Variants in LSAMP observed in about 807,000 individuals in gnomAD.
LSAMP encodes the protein limbic system associated membrane protein, also known as limbic system-associated membrane protein.
LSAMP carries 7 observed loss-of-function variants against 38.6 expected under a neutral mutation model. That is an observed-to-expected ratio of 0.18 (90% confidence interval 0.10 to 0.34). The LOEUF (loss-of-function observed/expected upper bound fraction) is 0.34, where lower values mean the gene tolerates loss of function less well. Among genes scored for constraint, LSAMP ranks in the 10% least tolerant of loss-of-function variants. The pLI, the probability that LSAMP is intolerant of heterozygous loss-of-function variation, is 1.00. For synonymous variants in LSAMP, 154 were observed against 166.8 expected (o/e 0.92, Z 0.59); for missense variants, 313 against 420.0 (o/e 0.75, Z 2.23).
chr3:116,432,403 T>C (rs2049293054), intron 1 of LSAMP, among the ~76,000 whole-genome samples: 2 of 151,816 alleles, frequency 1.3e-5, no homozygotes, highest in Admixed American at 1.3e-4. Context: ...ATTAAATATA[T>C]TCATGATACA....
chr3:116,208,580 G>A (rs1051086557), intron 1 of LSAMP, among the ~76,000 whole-genome samples: 16 of 152,132 alleles, frequency 1.1e-4, no homozygotes, highest in African/African-American at 1.9e-4. Flanking sequence ...TGGGTTTTTC[G>A]TGTGGATGTC....
chr3:116,058,347 G>A (rs969801042), intron 2 of LSAMP, among the ~76,000 whole-genome samples: 1 of 151,792 alleles, frequency 6.6e-6, no homozygotes, highest in African/African-American at 2.4e-5. Flanking sequence ...TGGAATATGA[G>A]ATGGAATGTG....
chr3:115,859,339 T>C (rs890268815), intron 3 of LSAMP, among the ~76,000 whole-genome samples: 2 of 151,844 alleles, frequency 1.3e-5, no homozygotes, highest in Non-Finnish European at 2.9e-5. Context: ...GAACAAGGTA[T>C]TGAAGGGGAT....
intron 1 of LSAMP, among the ~76,000 whole-genome samples, chr3:116,183,566 T>G (rs1217441981): frequency 6.6e-6 from 1 of 151,872 alleles, no homozygotes; most frequent in South Asian, 2.1e-4. Context: ...ACTTTACATT[T>G]TAGAGCATAA....
intron 5 of LSAMP, 86 bp downstream of exon 5, chr3:115,842,372 G>A: frequency 6.7e-7 from 1 of 1,500,820 alleles, no homozygotes. Flanking sequence ...AATTACAACT[G>A]GCTTGGCTTT....
chr3:115,854,402 C>T (rs939059644), intron 3 of LSAMP, among the ~76,000 whole-genome samples: 1 of 150,344 alleles, frequency 6.7e-6, no homozygotes, highest in Non-Finnish European at 1.5e-5. Flanking sequence ...CCTGCCTCAG[C>T]CTCCCGAGTA....
At chr3:116,369,425 C>G (rs192494649) in intron 1 of LSAMP, among the ~76,000 whole-genome samples, 134 of 152,278 alleles carry the variant, frequency 8.8e-4, no homozygotes, top group African/African-American at 3.1e-3. Flanking sequence ...TTTTATGTAA[C>G]TCTTCTGGCT....
chr3:115,871,262 A>G (rs546084235), intron 3 of LSAMP, among the ~76,000 whole-genome samples: 10 of 152,188 alleles, frequency 6.6e-5, no homozygotes, highest in Non-Finnish European at 1.0e-4. Context: ...TGAAACACAG[A>G]GATACTCATT....
At chr3:115,898,699 C>T (rs1371550877) in intron 3 of LSAMP, among the ~76,000 whole-genome samples, 5 of 151,792 alleles carry the variant, frequency 3.3e-5, no homozygotes, top group African/African-American at 1.2e-4. Flanking sequence ...AGCCAATGGT[C>T]CAGCCTCCCT....
intron 4 of LSAMP, among the ~76,000 whole-genome samples, chr3:115,850,752 G>C (rs75083859): frequency 0.055 from 8,349 of 152,200 alleles, 272 homozygotes; most frequent in African/African-American, 0.086. Context: ...ATTCCTCTAG[G>C]TTTGATGTGA....
At chr3:115,839,124 C>T (rs1490748063) in intron 6 of LSAMP, among the ~76,000 whole-genome samples, 3 of 152,204 alleles carry the variant, frequency 2.0e-5, no homozygotes, top group African/African-American at 7.2e-5. Context: ...CTGACACTTG[C>T]ACAGTGTCTT....
rs546965224 is a variant in LSAMP at position 116,031,332 on chromosome 3, A to G, written c.389-11692T>C. ...ACAATAACAATTATGACTTAGATCA[A>G]CCATGTTTTCTTGTTTCAGCAGAAG... On this transcript the variant is annotated intron_variant, in intron 2 of 6. Coordinates refer to ENST00000490035, the MANE Select transcript of LSAMP (RefSeq NM_002338.5). Among the ~76,000 whole-genome samples, 9 of 152,184 alleles carry G rather than the reference A, an allele frequency of 5.9e-5. No homozygotes were observed. In the South Asian group the frequency reaches 1.9e-3, roughly 32 times the overall value.
intron 2 of LSAMP, among the ~76,000 whole-genome samples, chr3:116,041,326 C>T (rs113601035): frequency 0.018 from 2,770 of 152,210 alleles, 74 homozygotes; most frequent in African/African-American, 0.06. Flanking sequence ...CTGAATTGCA[C>T]AGTTGCTTGT....
At chr3:116,089,038 A>G (rs1204783153) in intron 1 of LSAMP, among the ~76,000 whole-genome samples, 1 of 152,238 alleles carries the variant, frequency 6.6e-6, no homozygotes, top group East Asian at 1.9e-4. Flanking sequence ...GGTAAAGTTT[A>G]TAAGTCGGGT....
intron 2 of LSAMP, among the ~76,000 whole-genome samples, chr3:116,027,543 G>A (rs1940822349): frequency 6.6e-6 from 1 of 152,104 alleles, no homozygotes; most frequent in African/African-American, 2.4e-5. Flanking sequence ...TGCAAAGTAA[G>A]GATTAGCCAT....
At chr3:116,378,685 A>C (rs981285553) in intron 1 of LSAMP, among the ~76,000 whole-genome samples, 7 of 152,072 alleles carry the variant, frequency 4.6e-5, no homozygotes, top group African/African-American at 1.7e-4. Flanking sequence ...ACAGTGGTGA[A>C]GATACAAAGT....
chr3:116,166,412 G>A (rs116741125), intron 1 of LSAMP, among the ~76,000 whole-genome samples: 2 of 152,126 alleles, frequency 1.3e-5, no homozygotes, highest in South Asian at 4.1e-4. Flanking sequence ...ATTACAAGTG[G>A]CAGAACTAAC....
At chr3:115,913,895 C>T (rs760747251) in intron 3 of LSAMP, among the ~76,000 whole-genome samples, 6 of 151,904 alleles carry the variant, frequency 3.9e-5, no homozygotes, top group East Asian at 1.9e-4. Context: ...ATGTATTAAA[C>T]GAATCATGTA....
chr3:116,306,038 C>T (rs2047481233), intron 1 of LSAMP, among the ~76,000 whole-genome samples: 1 of 151,472 alleles, frequency 6.6e-6, no homozygotes, highest in Non-Finnish European at 1.5e-5. Flanking sequence ...GCTAATATCT[C>T]CTATAGCATA....
Sources: allele counts gnomAD v4.1 joint callset (sites outside exome capture counted in the v4.1 genomes callset), GRCh38; gene constraint gnomAD v4.1.1; transcripts MANE v1.5; gene names NCBI Gene and HGNC (gene_info 2026-07-23, HGNC 2026-07-21).